SACM1L: variants seen among roughly 807,000 people sequenced by gnomAD.
The protein encoded by SACM1L is phosphatidylinositol-3-phosphatase SAC1.
Under a neutral mutation model 89.5 loss-of-function variants are expected in SACM1L, and 32 were observed. The ratio of observed to expected loss-of-function variants is 0.36; its 90% CI spans 0.27 to 0.48. The LOEUF (loss-of-function observed/expected upper bound fraction) is 0.48, where lower values mean the gene tolerates loss of function less well. SACM1L is among the 20% of genes least tolerant of loss of function. The pLI, the probability that SACM1L is intolerant of heterozygous loss-of-function variation, is 0.99. For synonymous variants in SACM1L, 213 were observed against 232.8 expected (o/e 0.92, Z 0.77); for missense variants, 543 against 708.5 (o/e 0.77, Z 2.65).
intron 19 of SACM1L, among the ~76,000 whole-genome samples, chr3:45,740,162 C>T (rs560787657): frequency 1.6e-4 from 25 of 152,128 alleles, no homozygotes; most frequent in Middle Eastern, 6.8e-3. Flanking sequence ...TGTGAAAGGA[C>T]GGGGTAGAGG....
intron 1 of SACM1L, among the ~76,000 whole-genome samples, chr3:45,698,488 C>T (rs1013688597): frequency 1.6e-4 from 24 of 152,194 alleles, no homozygotes; most frequent in African/African-American, 5.8e-4. Context: ...GCAAAGGCCT[C>T]AGGACTTTTG....
chr3:45,713,259 T>G, intron 6 of SACM1L, 63 bp downstream of exon 6: 1 of 1,185,582 alleles, frequency 8.4e-7, no homozygotes, highest in Non-Finnish European at 1.2e-6. Context: ...CAATGCATGC[T>G]ATAAAGTGAC....
intron 5 of SACM1L, among the ~76,000 whole-genome samples, chr3:45,711,820 C>T (rs1271449567): frequency 6.6e-6 from 1 of 152,152 alleles, no homozygotes; most frequent in Non-Finnish European, 1.5e-5. Context: ...CCCATTTGGG[C>T]CACTTTAAAG....
chr3:45,689,587 T>G, intron 1 of SACM1L, 90 bp downstream of exon 1: 1 of 1,423,664 alleles, frequency 7.0e-7, no homozygotes, highest in Non-Finnish European at 9.6e-7. Flanking sequence ...AGTCCCGGAT[T>G]GCAGATAGGG....
intron 18 of SACM1L, 93 bp from the exon 19 acceptor site, chr3:45,739,494 T>C (rs1699271202): frequency 2.7e-6 from 3 of 1,097,610 alleles, no homozygotes; most frequent in Non-Finnish European, 4.2e-6. Context: ...ACAGATGAGT[T>C]TTATTCTTTT....
intron 11 of SACM1L, 145 bp downstream of exon 11, chr3:45,723,688 A>G (rs992208899): frequency 2.4e-5 from 8 of 331,570 alleles, no homozygotes; most frequent in African/African-American, 1.3e-4. Context: ...GTTCATTTCC[A>G]CAACATTTCA....
chr3:45,702,707 T>C (rs1413139259), intron 1 of SACM1L, among the ~76,000 whole-genome samples: 1 of 152,206 alleles, frequency 6.6e-6, no homozygotes. Context: ...ACTATTTAAG[T>C]TGTTTCTTGA....
intron 11 of SACM1L, among the ~76,000 whole-genome samples, chr3:45,723,950 GCACACACACACACAGACACA>G (rs1053647921): frequency 1.3e-4 from 15 of 117,452 alleles, no homozygotes; most frequent in East Asian, 1.1e-3. Flanking sequence ...ATGCATATAT[GCACACACACACACAGACACA>G]CACACACACA....
At chr3:45,727,746 C>T (rs1490354014) in intron 11 of SACM1L, among the ~76,000 whole-genome samples, 1 of 152,144 alleles carries the variant, frequency 6.6e-6, no homozygotes, top group African/African-American at 2.4e-5. Flanking sequence ...CAGGCGCCCA[C>T]CACCACACCT....
intron 2 of SACM1L, among the ~76,000 whole-genome samples, chr3:45,704,462 A>C (rs1217211601): frequency 6.6e-6 from 1 of 152,106 alleles, no homozygotes; most frequent in African/African-American, 2.4e-5. Context: ...GCTCTGTTTT[A>C]GTTTGATAAT....
chr3:45,719,643 T>A lies in SACM1L; in HGVS notation c.679+42T>A, dbSNP rs772263528. 1.0e-5 allele frequency: 12 copies of A among 1,186,374 alleles called. No homozygotes were observed. In the African/African-American group the frequency reaches 1.2e-4, roughly 12 times the overall value. 73.5% of individuals were successfully genotyped at this position (1,186,374 alleles called of 1,614,324 possible). A position where few individuals can be genotyped will look rare whatever the true frequency, so the allele number is the denominator to read the frequency against. ...CATGGGTCATATCTGTAATTAATAT[T>A]TTGTCTTACGGTGACACGAATGTAA... On this transcript the variant is annotated intron_variant, in intron 8 of 19. Transcript: ENST00000389061.
intron 11 of SACM1L, among the ~76,000 whole-genome samples, chr3:45,726,733 G>A (rs542941597): frequency 3.3e-5 from 5 of 151,540 alleles, no homozygotes; most frequent in Non-Finnish European, 7.4e-5. Flanking sequence ...TATTTCCTCC[G>A]GTAGCTTTGG....
intron 10 of SACM1L, among the ~76,000 whole-genome samples, 187 bp downstream of exon 10, chr3:45,723,142 G>T (rs1698827632): frequency 6.6e-6 from 1 of 152,082 alleles, no homozygotes; most frequent in South Asian, 2.1e-4. Flanking sequence ...TAGAAATATA[G>T]AAAAACAAAC....
chr3:45,736,108 A>G (rs553804818), intron 14 of SACM1L, among the ~76,000 whole-genome samples: 9 of 152,260 alleles, frequency 5.9e-5, no homozygotes, highest in Admixed American at 5.2e-4. Context: ...GGGCTCAAGC[A>G]GTCTACCTGC....
chr3:45,700,506 C>T (rs951958560), intron 1 of SACM1L, among the ~76,000 whole-genome samples: 5 of 152,178 alleles, frequency 3.3e-5, no homozygotes, highest in East Asian at 1.9e-4. Flanking sequence ...ACACTAAAGA[C>T]GGTGGAAGGG....
rs578212172 is a variant in SACM1L, at chr3:45,690,344, C to T, written c.32+847C>T. On this transcript the variant is annotated intron_variant, in intron 1 of 19. Transcript: ENST00000389061. ...TCACTTCGTGTTTAATGCTTTACCC[C>T]TAGGCTGTTTGAAAATCTGGTGGCC... The T allele has an allele frequency of 3.3e-5, 5 of 152,374 alleles. No individual in the cohort carries two copies. The South Asian group carries it at 1.0e-3, about 32-fold the overall frequency. 9.4% of individuals were successfully genotyped at this position (152,374 alleles called of 1,614,324 possible).
At chr3:45,739,910 A>C (rs2125707370) in intron 19 of SACM1L, 1 of 498,004 alleles carries the variant, frequency 2.0e-6, no homozygotes. Context: ...GACAGGTCTC[A>C]GTCAGTTTAG....
At chr3:45,720,559 C>A (rs1324793312) in intron 8 of SACM1L, among the ~76,000 whole-genome samples, 2 of 152,106 alleles carry the variant, frequency 1.3e-5, no homozygotes, top group African/African-American at 4.8e-5. Flanking sequence ...ATTCTGTGCA[C>A]ATTTTTCTGC....
At chr3:45,689,700 T>C (rs1697921503) in intron 1 of SACM1L, 7 of 646,348 alleles carry the variant, frequency 1.1e-5, no homozygotes, top group African/African-American at 1.8e-5. Flanking sequence ...CGCCGGCCTT[T>C]CTCCACCGTG....
Sources: allele counts gnomAD v4.1 joint callset (sites outside exome capture counted in the v4.1 genomes callset), GRCh38; gene constraint gnomAD v4.1.1; transcripts MANE v1.5; gene names NCBI Gene and HGNC (gene_info 2026-07-23, HGNC 2026-07-21).